Variants in NID1 observed in about 807,000 individuals in gnomAD.
NID1 encodes the protein nidogen-1.
A neutral mutation model predicts 130.6 loss-of-function variants in NID1; 76 were observed. That is an observed-to-expected ratio of 0.58 (90% CI 0.48 to 0.70). The LOEUF is 0.70. Among genes scored for constraint, NID1 ranks in the 30% least tolerant of loss-of-function variants. NID1 has a pLI of 0.00. For missense variants in NID1, 1,517 were observed against 1,664.8 expected, an observed-to-expected ratio of 0.91 and a Z score of 1.54; for synonymous variants, 665 against 675.1, an observed-to-expected ratio of 0.98 and a Z score of 0.23.
intron 10 of NID1, 148 bp downstream of exon 10, chr1:236,017,000 G>A: frequency 1.0e-6 from 1 of 961,842 alleles, no homozygotes; most frequent in Admixed American, 2.1e-5. Context: ...TTGGAGGGCA[G>A]AGGCTAAGTC....
chr1:235,991,013 G>A lies in NID1; in HGVS notation c.2801C>T (p.Pro934Leu). ...APPIHQGPAVPTAVIPLPPGT... is the reference protein window; with the variant it reads ...APPIHQGPAVLTAVIPLPPGT... The stretch of plus-strand genomic sequence containing the variant: ...AGGAGGCAAGGGGATCACGGCGGTA[G>A]GCACCGCAGGTCCTTGGTGAATCGG... The change falls in exon 14 of 20, where the codon CCT becomes CTT. Residue 934 changes from proline to leucine, a missense_variant. Physicochemically the swap from Pro to Leu is moderately conservative, Grantham distance 98 (BLOSUM62 -3). Coordinates refer to ENST00000264187, the MANE Select transcript of NID1 (RefSeq NM_002508.3). 1.2e-6 allele frequency: 2 copies of A among 1,612,014 alleles called. No homozygotes were observed. The highest frequency in any genetic ancestry group is 1.7e-4 in the Middle Eastern group (1 of 6,046).
Position 235,986,412 on chromosome 1 carries a change from C to G in NID1, c.2929-907G>C, listed in dbSNP as rs146615780. On this transcript the variant is annotated intron_variant, in intron 14 of 19. Transcript: ENST00000264187. The stretch of plus-strand genomic sequence containing the variant: ...ATACTAGCAAAATATAGAAAATAAA[C>G]CTTAATAATTGTGACAGCATCAAAA... Among the ~76,000 whole-genome samples the G allele has an allele frequency of 5.3e-3, 728 of 137,732 alleles. 7 individuals are homozygous for G. Among genetic ancestry groups the G allele is most frequent in the African/African-American group, 0.019 (688 of 35,934 alleles). The allele number at this position is 137,732 out of a possible 152,430, so 90.4% of individuals were successfully genotyped here. A position where few individuals can be genotyped will look rare whatever the true frequency, so the allele number is the denominator to read the frequency against.
intron 12 of NID1, among the ~76,000 whole-genome samples, chr1:235,995,239 T>C (rs540077833): frequency 1.3e-5 from 2 of 152,374 alleles, no homozygotes; most frequent in South Asian, 4.1e-4. Context: ...ACTTCTTACA[T>C]GGCGTTCACA....
intron 1 of NID1, 40 bp downstream of exon 1, chr1:236,064,815 G>T (rs745843880): frequency 6.4e-7 from 1 of 1,568,988 alleles, no homozygotes; most frequent in South Asian, 1.2e-5. Flanking sequence ...GGCCCGCCGC[G>T]CCCTGCAGCC....
At chr1:235,989,069 C>CTTTTTTT (rs768952072) in intron 14 of NID1, among the ~76,000 whole-genome samples, 2 of 115,804 alleles carry the variant, frequency 1.7e-5, no homozygotes, top group Non-Finnish European at 3.4e-5. Context: ...AAATTATCTG[C>CTTTTTTT]TTTTTTTTTT....
chr1:236,007,504 T>G (rs1572592086), intron 12 of NID1, among the ~76,000 whole-genome samples: 1 of 152,310 alleles, frequency 6.6e-6, no homozygotes, highest in East Asian at 1.9e-4. Context: ...ACTGATGGTA[T>G]CAACAGAAGC....
At chr1:236,058,296 T>C (rs1227269579) in intron 1 of NID1, among the ~76,000 whole-genome samples, 1 of 152,216 alleles carries the variant, frequency 6.6e-6, no homozygotes, top group African/African-American at 2.4e-5. Flanking sequence ...TTCAGCTCAC[T>C]ATGTGGCTAG....
intron 1 of NID1, among the ~76,000 whole-genome samples, chr1:236,054,048 C>T (rs1174393466): frequency 6.6e-6 from 1 of 152,112 alleles, no homozygotes; most frequent in East Asian, 1.9e-4. Context: ...GGGATGCAAT[C>T]AGCAAAATCC....
chr1:236,028,356 A>T (rs1658997438), intron 7 of NID1, among the ~76,000 whole-genome samples: 2 of 152,194 alleles, frequency 1.3e-5, no homozygotes, highest in South Asian at 2.1e-4. Flanking sequence ...ACAAAAATTT[A>T]AAAATTAGCC....
chr1:236,056,658 G>T (rs962797132), intron 1 of NID1, among the ~76,000 whole-genome samples: 3 of 151,902 alleles, frequency 2.0e-5, no homozygotes, highest in Non-Finnish European at 2.9e-5. Context: ...CCAGCCTCTG[G>T]TAACCACCAT....
chr1:235,998,790 A>G (rs1427908251), intron 12 of NID1, among the ~76,000 whole-genome samples: 3 of 152,210 alleles, frequency 2.0e-5, no homozygotes, highest in African/African-American at 7.2e-5. Context: ...CCATTCACAG[A>G]TATGTTTCAT....
chr1:235,985,430 T>C lies in NID1; in HGVS notation c.3004A>G (p.Ile1002Val), dbSNP rs1259177099. ...CCACCATGTAGACTAGCTCTCCCAA[T>C]GGAAGGCTCAGTGATGTCCGTCCAG... is the stretch of plus-strand genomic sequence containing the variant. ...VYWTDITEPS[I>V]GRASLHGGEP... Residue 1002 changes from isoleucine (I) to valine (V), a missense_variant, in exon 15 of 20, where the codon ATT becomes GTT. Ile to Val is a conservative substitution (Grantham distance 29). Transcript: ENST00000264187. 6.2e-7 allele frequency: 1 copy of C among 1,614,118 alleles called. No homozygotes were observed. Among genetic ancestry groups the C allele is most frequent in the Non-Finnish European group, 8.5e-7 (1 of 1,179,988 alleles).
At chr1:235,984,912 G>A (rs927919639) in intron 15 of NID1, among the ~76,000 whole-genome samples, 3 of 152,136 alleles carry the variant, frequency 2.0e-5, no homozygotes, top group African/African-American at 7.2e-5. Flanking sequence ...TGTGCCTGCC[G>A]GGCGCCGTGG....
intron 5 of NID1, among the ~76,000 whole-genome samples, chr1:236,035,731 A>ACGC (rs1195045440): frequency 6.6e-6 from 1 of 152,194 alleles, no homozygotes. Context: ...TGGGTTCCAT[A>ACGC]CGCCCAAACG....
intron 12 of NID1, among the ~76,000 whole-genome samples, chr1:235,999,704 G>A (rs1658023031): frequency 6.6e-6 from 1 of 152,128 alleles, no homozygotes; most frequent in African/African-American, 2.4e-5. Flanking sequence ...GAAGTCTGGG[G>A]TGACTTTTCT....
At chr1:235,989,831 C>G (rs1657678737) in intron 14 of NID1, among the ~76,000 whole-genome samples, 1 of 152,204 alleles carries the variant, frequency 6.6e-6, no homozygotes, top group Non-Finnish European at 1.5e-5. Context: ...AGTGCAAAGG[C>G]CCTGAGACAG....
intron 6 of NID1, among the ~76,000 whole-genome samples, chr1:236,031,679 C>T (rs886988391): frequency 1.3e-5 from 2 of 152,130 alleles, no homozygotes; most frequent in Non-Finnish European, 2.9e-5. Flanking sequence ...AAGTGACCAG[C>T]GATGAAGGAC....
At chr1:236,008,678 T>TG (rs1658321789) in intron 12 of NID1, among the ~76,000 whole-genome samples, 1 of 151,982 alleles carries the variant, frequency 6.6e-6, no homozygotes, top group African/African-American at 2.4e-5. Flanking sequence ...TTTTTTTTTT[T>TG]TTTTTGAGAC....
chr1:236,062,441 C>A (rs1161656344), intron 1 of NID1, among the ~76,000 whole-genome samples: 1 of 152,040 alleles, frequency 6.6e-6, no homozygotes, highest in African/African-American at 2.4e-5. Context: ...TAGAGACCAG[C>A]CTGACCAACA....
Sources: allele counts gnomAD v4.1 joint callset (sites outside exome capture counted in the v4.1 genomes callset), GRCh38; gene constraint gnomAD v4.1.1; transcripts MANE v1.5; gene names NCBI Gene and HGNC (gene_info 2026-07-23, HGNC 2026-07-21).